CNTLN: variants seen among roughly 807,000 people sequenced by gnomAD.
CNTLN encodes the protein centlein, centrosomal protein.
CNTLN carries 212 observed loss-of-function variants against 180.0 expected under a neutral mutation model. That is an observed-to-expected ratio of 1.18 (90% CI 1.05 to 1.32). The LOEUF (loss-of-function observed/expected upper bound fraction) is 1.32. CNTLN is among the 40% of genes most tolerant of loss of function. CNTLN has a pLI of 0.00. For missense variants in CNTLN, 2,095 were observed against 1,610.9 expected, an observed-to-expected ratio of 1.30 and a Z score of -5.14; for synonymous variants, 722 against 563.1, an observed-to-expected ratio of 1.28 and a Z score of -3.99.
intron 2 of CNTLN, among the ~76,000 whole-genome samples, chr9:17,160,462 G>A (rs1819604147): frequency 6.6e-6 from 1 of 152,016 alleles, no homozygotes; most frequent in Non-Finnish European, 1.5e-5. Flanking sequence ...CATCTTGAGG[G>A]TAATCTTTGA....
chr9:17,365,426 GT>G (rs573645708), intron 12 of CNTLN, among the ~76,000 whole-genome samples: 3 of 151,894 alleles, frequency 2.0e-5, no homozygotes, highest in Non-Finnish European at 4.4e-5. Flanking sequence ...GTCTCAGGAG[GT>G]TTTTTTTATA....
intron 18 of CNTLN, among the ~76,000 whole-genome samples, chr9:17,421,808 A>G (rs1260950105): frequency 6.6e-6 from 1 of 152,194 alleles, no homozygotes; most frequent in East Asian, 1.9e-4. Flanking sequence ...ACTGATAACA[A>G]CTAAACTCTG....
chr9:17,404,602 A>G (rs1827233453), intron 15 of CNTLN, among the ~76,000 whole-genome samples: 1 of 151,730 alleles, frequency 6.6e-6, no homozygotes, highest in Admixed American at 6.6e-5. Flanking sequence ...AAACCAGAGA[A>G]TTCATTATAC....
At chr9:17,363,131 A>G (rs1391444247) in intron 12 of CNTLN, among the ~76,000 whole-genome samples, 1 of 152,136 alleles carries the variant, frequency 6.6e-6, no homozygotes, top group East Asian at 1.9e-4. Context: ...TATCCAGTCT[A>G]TCATTGATGG....
At chr9:17,512,246 G>T in the CNTLN span, among the ~76,000 whole-genome samples, 1 of 152,272 alleles carries the variant, frequency 6.6e-6, no homozygotes, top group East Asian at 1.9e-4. Context: ...AGCCAAAGTA[G>T]AATAAGCCCT....
downstream of CNTLN, among the ~76,000 whole-genome samples, chr9:17,506,911 T>C (rs1833942681): frequency 6.6e-6 from 1 of 152,126 alleles, no homozygotes; most frequent in Non-Finnish European, 1.5e-5. Flanking sequence ...CATGCGTACA[T>C]TGGGTAATAA....
At chr9:17,353,463 T>G (rs890604213) in intron 12 of CNTLN, among the ~76,000 whole-genome samples, 2 of 152,046 alleles carry the variant, frequency 1.3e-5, no homozygotes, top group African/African-American at 4.8e-5. Context: ...TCTTAATGAG[T>G]AATGATGCTG....
intron 6 of CNTLN, among the ~76,000 whole-genome samples, chr9:17,278,165 C>A (rs1215665276): frequency 6.6e-6 from 1 of 152,108 alleles, no homozygotes; most frequent in Admixed American, 6.6e-5. Flanking sequence ...GTGCCTCCAA[C>A]TGATGAAATT....
intron 5 of CNTLN, among the ~76,000 whole-genome samples, chr9:17,244,180 G>A (rs1021783246): frequency 1.4e-5 from 2 of 148,126 alleles, no homozygotes; most frequent in South Asian, 2.1e-4. Context: ...TTTTATTTTC[G>A]ATCTGTATGT....
intron 23 of CNTLN, among the ~76,000 whole-genome samples, chr9:17,479,867 G>C (rs957754946): frequency 1.3e-5 from 2 of 151,918 alleles, no homozygotes; most frequent in African/African-American, 4.8e-5. Flanking sequence ...GACTATGATA[G>C]AAAAAAAGAT....
At chr9:17,334,683 C>A in intron 10 of CNTLN, among the ~76,000 whole-genome samples, 1 of 151,980 alleles carries the variant, frequency 6.6e-6, no homozygotes, top group East Asian at 1.9e-4. Flanking sequence ...AACTAAATAT[C>A]ACATGTTCTC....
At chr9:17,514,812 TAA>T in the CNTLN span, among the ~76,000 whole-genome samples, 1 of 152,214 alleles carries the variant, frequency 6.6e-6, no homozygotes. Flanking sequence ...ATTGTGACTG[TAA>T]CTCTAGTTAA....
chr9:17,338,721 A>T (rs115056080), intron 10 of CNTLN, among the ~76,000 whole-genome samples: 1,850 of 152,274 alleles, frequency 0.012, 48 homozygotes, highest in African/African-American at 0.043. Flanking sequence ...TAACCAAATT[A>T]ATATGAAAAA....
At chr9:17,526,231 G>A in the CNTLN span, among the ~76,000 whole-genome samples, 4 of 152,218 alleles carry the variant, frequency 2.6e-5, no homozygotes, top group East Asian at 1.9e-4. Context: ...CACCGTGCCC[G>A]GCCTGGACAT....
At chr9:17,487,797 G>C (rs1832968069) in intron 25 of CNTLN, among the ~76,000 whole-genome samples, 1 of 152,004 alleles carries the variant, frequency 6.6e-6, no homozygotes, top group Admixed American at 6.6e-5. Flanking sequence ...TACACATATA[G>C]TCTGCTGGGA....
intron 2 of CNTLN, chr9:17,168,590 A>G (rs1354049596): frequency 1.3e-5 from 2 of 152,184 alleles, no homozygotes; most frequent in Non-Finnish European, 2.9e-5. Context: ...GTGATCTTCG[A>G]TTAATTTGAC....
At position 17,484,453 on chromosome 9, in the gene CNTLN, GGAAATATTA is replaced by G; in HGVS notation, c.4017_4025del (p.Glu1339_Leu1341del). 6.2e-7 allele frequency: 1 copy of G among 1,602,878 alleles called. No homozygotes were observed. Among genetic ancestry groups the G allele is most frequent in the African/African-American group, 1.3e-5 (1 of 74,102 alleles). On this transcript the variant is annotated inframe_deletion, in exon 24 of 26. Coordinates refer to ENST00000380647, the MANE Select transcript of CNTLN (RefSeq NM_017738.4). ...TGAACATTTCACGGTCAGATTTAGAGGAAATATTAGACACAGAAGATCAAGTGGTAAGAT... is the reference window on the plus strand; with the variant it reads ...TGAACATTTCACGGTCAGATTTAGAGGACACAGAAGATCAAGTGGTAAGAT...
At chr9:17,456,422 C>G (rs1013173774) in intron 18 of CNTLN, among the ~76,000 whole-genome samples, 7 of 151,952 alleles carry the variant, frequency 4.6e-5, no homozygotes, top group African/African-American at 1.7e-4. Flanking sequence ...AGTTTGATCT[C>G]AAGTATATCA....
chr9:17,364,124 G>A (rs918656656), intron 12 of CNTLN, among the ~76,000 whole-genome samples: 1 of 152,000 alleles, frequency 6.6e-6, no homozygotes, highest in Non-Finnish European at 1.5e-5. Context: ...GCAATTTTTT[G>A]ATACTCTTTA....
Sources: gnomAD v4.1 joint callset for allele counts (sites outside exome capture counted in the v4.1 genomes callset) on GRCh38, gnomAD v4.1.1 for gene constraint, MANE v1.5 for transcripts, NCBI Gene and HGNC (gene_info 2026-07-23, HGNC 2026-07-21) for gene names.